The following KICS2 variants were observed in gnomAD, a reference collection of about 807,000 sequenced individuals.
KICS2 encodes the protein KICSTOR subunit 2, also known as KICSTOR complex protein C12orf66.
KICS2 carries 13 observed loss-of-function variants against 31.4 expected under a neutral mutation model. The observed-to-expected ratio is 0.41, with a 90% CI of 0.27 to 0.66. The LOEUF is 0.66. Ranked by LOEUF, KICS2 falls within the 30% of genes least tolerant of loss-of-function variation. The pLI is 0.28. For synonymous variants in KICS2, 209 were observed against 214.8 expected (o/e 0.97, Z 0.24); for missense variants, 455 against 545.4 (o/e 0.83, Z 1.65).
intron 1 of KICS2, 140 bp from the exon 2 acceptor site, chr12:64,216,103 T>G (rs945486411): frequency 4.2e-6 from 2 of 474,636 alleles, no homozygotes; most frequent in African/African-American, 6.4e-5. Context: ...CTGTCTATGA[T>G]TGAGATATAA....
chr12:64,189,141 G>A (rs1326744702), downstream of KICS2, among the ~76,000 whole-genome samples: 4 of 152,016 alleles, frequency 2.6e-5, no homozygotes, highest in African/African-American at 7.2e-5. Flanking sequence ...CAACAAGAGC[G>A]AGCAAAACTC....
chr12:64,204,385 A>G (rs1481649846), intron 2 of KICS2, among the ~76,000 whole-genome samples: 1 of 152,196 alleles, frequency 6.6e-6, no homozygotes, highest in African/African-American at 2.4e-5. Flanking sequence ...GTAAAAAAAT[A>G]TATAAATACA....
chr12:64,195,165 T>C (rs2037422032), intron 2 of KICS2, among the ~76,000 whole-genome samples: 1 of 152,200 alleles, frequency 6.6e-6, no homozygotes, highest in African/African-American at 2.4e-5. Flanking sequence ...TCTTCCCACC[T>C]TGGCCTTCCA....
intron 1 of KICS2, among the ~76,000 whole-genome samples, chr12:64,219,531 G>T (rs1448964815): frequency 6.6e-6 from 1 of 152,090 alleles, no homozygotes; most frequent in African/African-American, 2.4e-5. Flanking sequence ...TCACTGCTAA[G>T]GCCTCAAATA....
intron 1 of KICS2, among the ~76,000 whole-genome samples, chr12:64,217,136 C>G (rs1374601579): frequency 6.6e-6 from 1 of 152,148 alleles, no homozygotes; most frequent in Non-Finnish European, 1.5e-5. Context: ...AATCTTCCTT[C>G]CCTTACTACT....
At chr12:64,205,604 G>GGGAAAAAGGAAAGGAAGGAA (rs2037528999) in intron 2 of KICS2, among the ~76,000 whole-genome samples, 1 of 128,512 alleles carries the variant, frequency 7.8e-6, no homozygotes, top group Non-Finnish European at 1.6e-5. Context: ...AAGGAAAGGA[G>GGGAAAAAGGAAAGGAAGGAA]GGAAAAAGGG....
intron 1 of KICS2, among the ~76,000 whole-genome samples, chr12:64,220,036 T>A (rs1454811933): frequency 6.6e-6 from 1 of 152,200 alleles, no homozygotes; most frequent in Non-Finnish European, 1.5e-5. Flanking sequence ...CAAAAAAATG[T>A]GCAAAGATAA....
chr12:64,219,775 A>T (rs1411468663), intron 1 of KICS2, among the ~76,000 whole-genome samples: 1 of 152,186 alleles, frequency 6.6e-6, no homozygotes, highest in Non-Finnish European at 1.5e-5. Context: ...TTTATTTGTC[A>T]ATTATATCTC....
rs371864699 is a variant in KICS2, at chr12:64,196,259, C to G, written c.522-1601G>C. Among the ~76,000 whole-genome samples the G allele has an allele frequency of 3.4e-3, 498 of 146,090 alleles. 1 individual carries two copies. The highest frequency in any genetic ancestry group is 6.9e-3 in the South Asian group (31 of 4,508). On this transcript the variant is annotated intron_variant, in intron 2 of 2. Transcript: ENST00000398055. ...AGCACGCAGCTGGAGATCTGAGAAC[C>G]GGCAGACTGCCTCCTCAAGTGGGTT...
At chr12:64,195,410 T>G (rs1200611226) in intron 2 of KICS2, among the ~76,000 whole-genome samples, 1 of 152,232 alleles carries the variant, frequency 6.6e-6, no homozygotes, top group Non-Finnish European at 1.5e-5. Flanking sequence ...ACAGTAATGC[T>G]ATGAGGTATT....
intron 2 of KICS2, among the ~76,000 whole-genome samples, chr12:64,205,754 G>GAAAAGGGAAGCAAGGA (rs2037532943): frequency 1.8e-5 from 1 of 56,876 alleles, no homozygotes; most frequent in Non-Finnish European, 4.3e-5. Context: ...GGGAGGGAGG[G>GAAAAGGGAAGCAAGGA]AAAAGGGAAG....
At chr12:64,187,678 G>C, downstream of KICS2, 1 of 1,531,330 alleles carries the variant, frequency 6.5e-7, no homozygotes. Flanking sequence ...AGAGGGAATT[G>C]CTAAATTAAA....
At chr12:64,195,707 G>A (rs2037427894) in intron 2 of KICS2, among the ~76,000 whole-genome samples, 1 of 152,256 alleles carries the variant, frequency 6.6e-6, no homozygotes, top group Non-Finnish European at 1.5e-5. Flanking sequence ...ATCTCACTAG[G>A]GAGTGCCAGA....
chr12:64,207,301 C>CAAAAAAA (rs35532711), intron 2 of KICS2, among the ~76,000 whole-genome samples: 5 of 57,346 alleles, frequency 8.7e-5, no homozygotes, highest in African/African-American at 3.3e-4. Context: ...CAACTCGTCT[C>CAAAAAAA]AAAAAAAAAA....
chr12:64,210,604 T>C (rs1389569588), intron 2 of KICS2, among the ~76,000 whole-genome samples: 1 of 152,128 alleles, frequency 6.6e-6, no homozygotes, highest in East Asian at 1.9e-4. Context: ...AGTGAGACCC[T>C]GTCTCTGCAA....
At position 64,222,209 on chromosome 12, in the gene KICS2, G is replaced by A; in HGVS notation, c.29C>T (p.Pro10Leu). Residue 10 changes from proline (P) to leucine (L), a missense_variant, in exon 1 of 3, where the codon CCG (proline) becomes CTG (leucine). By Grantham distance (98) the Pro-to-Leu change is moderately conservative (BLOSUM62 -3). Coordinates refer to ENST00000398055, the MANE Select transcript of KICS2 (RefSeq NM_152440.5). MGESIPLAA[P>L]VPVEQAVLET... ...CAGCACCGCCTGTTCCACCGGGACC[G>A]GGGCGGCCAGCGGGATAGACTCCCC... The A allele has an allele frequency of 1.2e-6, 2 of 1,613,992 alleles. No homozygotes were observed. The highest frequency in any genetic ancestry group is 1.7e-6 in the Non-Finnish European group (2 of 1,179,936).
At chr12:64,195,769 C>T (rs531842218) in intron 2 of KICS2, among the ~76,000 whole-genome samples, 234 of 152,370 alleles carry the variant, frequency 1.5e-3, no homozygotes, top group African/African-American at 5.5e-3. Context: ...CGAAGCAGGG[C>T]GAGGCATTGC....
rs2037394640 is a variant in KICS2, at chr12:64,192,879, C to CA, written c.*962dup. 1 of 985,424 alleles carries CA rather than the reference C, an allele frequency of 1.0e-6. No homozygotes were observed. The highest frequency in any genetic ancestry group is 1.2e-6 in the Non-Finnish European group (1 of 829,934). 61.0% of individuals were successfully genotyped at this position (985,424 alleles called of 1,614,324 possible). A position where few individuals can be genotyped will look rare whatever the true frequency, so the allele number is the denominator to read the frequency against. On this transcript the variant is annotated 3_prime_UTR_variant, in exon 3 of 3. Coordinates refer to ENST00000398055, the MANE Select transcript of KICS2 (RefSeq NM_152440.5). The stretch of plus-strand genomic sequence containing the variant: ...ATTACTCAACTATGAAGAGGTCTTT[C>CA]AAGCGCACAGTTGATTTTTAGCAAG...
At chr12:64,216,084 C>T in intron 1 of KICS2, 121 bp from the exon 2 acceptor site, 1 of 766,604 alleles carries the variant, frequency 1.3e-6, no homozygotes, top group East Asian at 2.8e-5. Flanking sequence ...TTTTCATCTA[C>T]CATATTCTCT....
Sources: gnomAD v4.1 joint callset for allele counts (sites outside exome capture counted in the v4.1 genomes callset) on GRCh38, gnomAD v4.1.1 for gene constraint, MANE v1.5 for transcripts, NCBI Gene and HGNC (gene_info 2026-07-23, HGNC 2026-07-21) for gene names.